Variants in ATP8A1 observed in about 807,000 individuals in gnomAD.
The protein encoded by ATP8A1 is phospholipid-transporting ATPase IA.
In ATP8A1, 90 loss-of-function variants were observed where a neutral mutation model predicts 177.7. The ratio of observed to expected loss-of-function variants is 0.51; its 90% CI spans 0.43 to 0.60. ATP8A1 has a LOEUF of 0.60. Ranked by LOEUF, ATP8A1 falls within the 20% of genes least tolerant of loss-of-function variation. The pLI is 0.00. For synonymous variants in ATP8A1, 493 were observed against 485.9 expected (o/e 1.01, Z -0.19); for missense variants, 1,072 against 1,392.8 (o/e 0.77, Z 3.67).
intron 32 of ATP8A1, among the ~76,000 whole-genome samples, chr4:42,443,887 G>C (rs550026430): frequency 3.9e-5 from 6 of 151,988 alleles, no homozygotes; most frequent in African/African-American, 1.4e-4. Context: ...CTGGAATTTC[G>C]AACTGTTCCT....
In ATP8A1 at chr4:42,409,987, C is replaced by G. The variant is rs1253033163; in HGVS notation, c.*2929G>C. ...CATTATTTAGCAGAATACACATTCA[C>G]CTGACTTGATTAGAAAAAGTTTTCC... On this transcript the variant is annotated 3_prime_UTR_variant, in exon 37 of 37. Transcript: ENST00000381668. 1.3e-5 allele frequency: 2 copies of G among 152,136 alleles called. No homozygotes were observed. The highest frequency in any genetic ancestry group is 4.8e-5 in the African/African-American group (2 of 41,434). The allele number at this position is 152,136 out of a possible 1,614,324, so 9.4% of individuals were successfully genotyped here.
intron 17 of ATP8A1, among the ~76,000 whole-genome samples, chr4:42,552,077 T>C (rs1729556606): frequency 6.6e-6 from 1 of 152,210 alleles, no homozygotes. Flanking sequence ...TTCTTTATTA[T>C]CATTAACAAA....
At chr4:42,591,347 C>T (rs1219419527) in intron 6 of ATP8A1, among the ~76,000 whole-genome samples, 1 of 150,908 alleles carries the variant, frequency 6.6e-6, no homozygotes, top group Non-Finnish European at 1.5e-5. Context: ...TAGTCCCTGC[C>T]CCACTTAAAA....
intron 1 of ATP8A1, among the ~76,000 whole-genome samples, chr4:42,635,782 CATATATATATATATAT>C (rs764452182): frequency 1.5e-4 from 8 of 51,992 alleles, no homozygotes; most frequent in Admixed American, 4.2e-4. Flanking sequence ...CACACACACA[CATATATATATATATAT>C]ATATATATAT....
intron 5 of ATP8A1, among the ~76,000 whole-genome samples, chr4:42,607,041 C>T (rs748079306): frequency 3.9e-5 from 6 of 152,156 alleles, no homozygotes; most frequent in African/African-American, 7.2e-5. Context: ...ATTACCTTTA[C>T]ATCCCTACAC....
chr4:42,502,129 G>C (rs1018904811), intron 24 of ATP8A1, among the ~76,000 whole-genome samples: 1 of 151,594 alleles, frequency 6.6e-6, no homozygotes, highest in African/African-American at 2.4e-5. Context: ...CTTACTATGT[G>C]CTAGGCCATT....
chr4:42,432,362 C>T (rs894320345), intron 33 of ATP8A1, among the ~76,000 whole-genome samples: 1 of 152,194 alleles, frequency 6.6e-6, no homozygotes, highest in Admixed American at 6.5e-5. Flanking sequence ...CTAGAGTCCT[C>T]TCTGCTGGCA....
intron 25 of ATP8A1, 109 bp downstream of exon 25, chr4:42,485,387 A>C: frequency 1.9e-6 from 2 of 1,035,814 alleles, no homozygotes; most frequent in East Asian, 2.7e-5. Context: ...CACATTAGTA[A>C]GTAACCTAAC....
intron 4 of ATP8A1, among the ~76,000 whole-genome samples, chr4:42,622,781 AG>A: frequency 6.6e-6 from 1 of 152,278 alleles, no homozygotes; most frequent in Non-Finnish European, 1.5e-5. Context: ...AGGACGTGGC[AG>A]GTGGATTGCC....
At chr4:42,499,277 T>C (rs1723580976) in intron 24 of ATP8A1, among the ~76,000 whole-genome samples, 2 of 152,208 alleles carry the variant, frequency 1.3e-5, no homozygotes, top group African/African-American at 4.8e-5. Context: ...ATCATGCCTG[T>C]TGATTTAATA....
chr4:42,540,552 A>AT (rs911484965), intron 20 of ATP8A1, among the ~76,000 whole-genome samples: 4 of 124,408 alleles, frequency 3.2e-5, no homozygotes, highest in South Asian at 3.2e-4. Context: ...AGACCAATAG[A>AT]TAAAAAAAAA....
chr4:42,473,008 C>T lies in ATP8A1; in HGVS notation c.2325-7932G>A, dbSNP rs568656805. ...GAAAAGGCAAGAAGAATATTGACAG[C>T]GGAAAAGTATCAGGGAAGTTCTAGA... On this transcript the variant is annotated intron_variant, in intron 25 of 36. Transcript: ENST00000381668. Among the ~76,000 whole-genome samples, 34 of 152,032 alleles carry T rather than the reference C, an allele frequency of 2.2e-4. 1 individual carries two copies. The highest frequency in any genetic ancestry group is 6.8e-3 in the Middle Eastern group (2 of 294).
At chr4:42,442,327 AGAATT>A (rs1371994758) in intron 33 of ATP8A1, among the ~76,000 whole-genome samples, 1 of 152,244 alleles carries the variant, frequency 6.6e-6, no homozygotes, top group East Asian at 1.9e-4. Flanking sequence ...AACAAAGAAT[AGAATT>A]AAATTTTCCA....
chr4:42,411,811 G>T lies in ATP8A1; in HGVS notation c.*1105C>A, dbSNP rs1247893912. ...TTGGGAACTATTTGATGAGTGAACT[G>T]TGAAATAATTTTCAGTCTTCAGTAT... On this transcript the variant is annotated 3_prime_UTR_variant, in exon 37 of 37. Transcript: ENST00000381668. 6.6e-6 allele frequency: 1 copy of T among 152,138 alleles called. No individual in the cohort carries two copies. The highest frequency in any genetic ancestry group is 2.4e-5 in the African/African-American group (1 of 41,418). 9.4% of individuals were successfully genotyped at this position (152,138 alleles called of 1,614,324 possible).
intron 6 of ATP8A1, among the ~76,000 whole-genome samples, chr4:42,593,770 T>C (rs750726858): frequency 6.6e-6 from 1 of 152,104 alleles, no homozygotes. Flanking sequence ...AAAATGAAAA[T>C]TATTTAAATT....
chr4:42,525,463 G>A (rs1160588310), intron 20 of ATP8A1, among the ~76,000 whole-genome samples: 1 of 152,120 alleles, frequency 6.6e-6, no homozygotes, highest in Non-Finnish European at 1.5e-5. Context: ...GGAGAACCTC[G>A]AACAACTCTC....
At chr4:42,502,949 A>C (rs556534819) in intron 24 of ATP8A1, among the ~76,000 whole-genome samples, 1 of 152,340 alleles carries the variant, frequency 6.6e-6, no homozygotes, top group South Asian at 2.1e-4. Flanking sequence ...TAAAACATCA[A>C]GTGATCACAG....
chr4:42,499,668 C>T (rs563826451), intron 24 of ATP8A1, among the ~76,000 whole-genome samples: 2 of 152,274 alleles, frequency 1.3e-5, no homozygotes, highest in Admixed American at 6.5e-5. Context: ...CAAACCTATA[C>T]AAAAATATAA....
chr4:42,589,738 T>C (rs1170953486), intron 7 of ATP8A1, among the ~76,000 whole-genome samples: 1 of 152,198 alleles, frequency 6.6e-6, no homozygotes, highest in Non-Finnish European at 1.5e-5. Context: ...ATTTGAAACA[T>C]AGTTTATGAA....
Sources: allele counts gnomAD v4.1 joint callset (sites outside exome capture counted in the v4.1 genomes callset), GRCh38; gene constraint gnomAD v4.1.1; transcripts MANE v1.5; gene names NCBI Gene and HGNC (gene_info 2026-07-23, HGNC 2026-07-21).